The following EDN3 variants were observed in gnomAD, a reference collection of about 807,000 sequenced individuals.
EDN3 encodes endothelin 3, also known as endothelin-3.
EDN3 carries 9 observed loss-of-function variants against 21.4 expected under a neutral mutation model. The observed-to-expected ratio is 0.42, with a 90% CI of 0.25 to 0.73. The LOEUF (loss-of-function observed/expected upper bound fraction) is 0.73, where lower values mean the gene tolerates loss of function less well. EDN3 is among the 30% of genes least tolerant of loss of function. The probability of loss-of-function intolerance (pLI) is 0.26; values close to 1 mark genes in which losing one functional copy is unlikely to be tolerated. For missense variants in EDN3, 327 were observed against 309.4 expected, an observed-to-expected ratio of 1.06 and a Z score of -0.43; for synonymous variants, 133 against 126.2, an observed-to-expected ratio of 1.05 and a Z score of -0.36.
chr20:59,315,695 G>A (rs1990128941), intron 2 of EDN3, among the ~76,000 whole-genome samples: 1 of 152,140 alleles, frequency 6.6e-6, no homozygotes, highest in South Asian at 2.1e-4. Context: ...ATGCTCCTGA[G>A]GGCCAGACAC....
At chr20:59,323,551 CAT>C (rs1990672554) in intron 4 of EDN3, 1 of 398,856 alleles carries the variant, frequency 2.5e-6, no homozygotes, top group Non-Finnish European at 4.4e-6. Flanking sequence ...AGACAGCAAA[CAT>C]GTACAATTTA....
At chr20:59,313,751 C>T (rs1274909339) in intron 2 of EDN3, among the ~76,000 whole-genome samples, 3 of 152,026 alleles carry the variant, frequency 2.0e-5, no homozygotes, top group Non-Finnish European at 4.4e-5. Context: ...TATGAATTGC[C>T]GGTTCACTGT....
intron 2 of EDN3, among the ~76,000 whole-genome samples, chr20:59,308,465 C>T (rs976523189): frequency 5.3e-5 from 8 of 152,174 alleles, no homozygotes; most frequent in African/African-American, 1.7e-4. Flanking sequence ...CAAATTGTCA[C>T]GTGGAGGAGG....
intron 2 of EDN3, among the ~76,000 whole-genome samples, chr20:59,320,365 A>G (rs1193966324): frequency 1.3e-5 from 2 of 152,276 alleles, no homozygotes; most frequent in East Asian, 3.8e-4. Flanking sequence ...AAATTCAGTC[A>G]GAAACCTCAG....
chr20:59,302,537 T>C (rs1989120505), intron 2 of EDN3, among the ~76,000 whole-genome samples: 1 of 152,066 alleles, frequency 6.6e-6, no homozygotes, highest in Admixed American at 6.5e-5. Flanking sequence ...AGGGAACCCC[T>C]CCTGCAGGCA....
chr20:59,300,817 A>C lies in EDN3; in HGVS notation c.5A>C (p.Glu2Ala). M[E>A]PGLWLLFGLT... ...TCCGGCGCCTGATCTAGGTTCATGG[A>C]GCCGGGGCTGTGGCTCCTTTTCGGG... The change falls in exon 1 of 5, where the codon GAG (glutamate) becomes GCG (alanine). Residue 2 changes from glutamate to alanine, a missense_variant. Transcript: ENST00000337938. 6.2e-7 allele frequency: 1 copy of C among 1,610,890 alleles called. No homozygotes were observed. The highest frequency in any genetic ancestry group is 8.5e-7 in the Non-Finnish European group (1 of 1,179,452).
intron 2 of EDN3, among the ~76,000 whole-genome samples, chr20:59,307,130 C>T (rs11570281): frequency 1.3e-5 from 2 of 151,982 alleles, no homozygotes; most frequent in African/African-American, 4.8e-5. Context: ...GGGTGACAGA[C>T]CAAGATTCCA....
At chr20:59,315,592 A>G (rs1990122213) in intron 2 of EDN3, among the ~76,000 whole-genome samples, 1 of 152,206 alleles carries the variant, frequency 6.6e-6, no homozygotes, top group Non-Finnish European at 1.5e-5. Flanking sequence ...AAAGAGGAAA[A>G]TAGTATCAGG....
chr20:59,313,429 G>A (rs1415315252), intron 2 of EDN3, among the ~76,000 whole-genome samples: 3 of 152,144 alleles, frequency 2.0e-5, no homozygotes. Flanking sequence ...TGATTGGTAG[G>A]GGATAATGCT....
chr20:59,316,504 G>A (rs985898091), intron 2 of EDN3, among the ~76,000 whole-genome samples: 1 of 152,192 alleles, frequency 6.6e-6, no homozygotes, highest in African/African-American at 2.4e-5. Context: ...TTAAACTTCA[G>A]ATATACAGGC....
At chr20:59,313,621 G>A (rs1341146474) in intron 2 of EDN3, among the ~76,000 whole-genome samples, 1 of 152,170 alleles carries the variant, frequency 6.6e-6, no homozygotes, top group African/African-American at 2.4e-5. Context: ...CTAGAATCAT[G>A]GGCTCTTTCT....
Position 59,300,876 on chromosome 20 carries a change from G to A in EDN3, c.52+12G>A. 2 of 1,609,974 alleles carry A rather than the reference G, an allele frequency of 1.2e-6. No individual in the cohort carries two copies. The highest frequency in any genetic ancestry group is 1.7e-6 in the Non-Finnish European group (2 of 1,179,362). On this transcript the variant is annotated intron_variant, in intron 1 of 4. Transcript: ENST00000337938. The stretch of plus-strand genomic sequence containing the variant: ...GACCTCCGCCGCAGGTAAGCGCACG[G>A]GGCGGCGCGCCTCTCCTGGCGCGAG...
At chr20:59,315,924 C>T (rs144159644) in intron 2 of EDN3, among the ~76,000 whole-genome samples, 54 of 152,282 alleles carry the variant, frequency 3.5e-4, no homozygotes, top group East Asian at 2.7e-3. Flanking sequence ...CTATGGTTCA[C>T]GCCTGTAATC....
chr20:59,306,111 G>A (rs745660799), intron 2 of EDN3, among the ~76,000 whole-genome samples: 1 of 152,190 alleles, frequency 6.6e-6, no homozygotes, highest in Non-Finnish European at 1.5e-5. Context: ...TGAGCTGAGG[G>A]ATCCTGCCAT....
chr20:59,308,300 GT>G (rs1472476855), intron 2 of EDN3, among the ~76,000 whole-genome samples: 2 of 152,228 alleles, frequency 1.3e-5, no homozygotes, highest in African/African-American at 4.8e-5. Flanking sequence ...TCTGTGCCTT[GT>G]TCTGTCTTCT....
chr20:59,304,468 C>T (rs558223605), intron 2 of EDN3, among the ~76,000 whole-genome samples: 35 of 152,342 alleles, frequency 2.3e-4, no homozygotes, highest in African/African-American at 7.5e-4. Context: ...GTTCTGGGCA[C>T]GAGAAGGAGC....
intron 2 of EDN3, among the ~76,000 whole-genome samples, chr20:59,312,529 G>C (rs1989900620): frequency 6.6e-6 from 1 of 152,196 alleles, no homozygotes; most frequent in Non-Finnish European, 1.5e-5. Context: ...GGTCCAATGA[G>C]CTGATGAGAT....
Position 59,301,740 on chromosome 20 carries a change from G to T in EDN3, c.365+18G>T. 1 of 1,613,852 alleles carries T rather than the reference G, an allele frequency of 6.2e-7. No homozygotes were observed. Among genetic ancestry groups the T allele is most frequent in the Non-Finnish European group, 8.5e-7 (1 of 1,179,730 alleles). ...ACTCCCGAGTAAGTCAGCCTTTTGT[G>T]GTGAGGAACGTGGCTCCCGGACCAG... is the stretch of plus-strand genomic sequence containing the variant. On this transcript the variant is annotated intron_variant, in intron 2 of 4. Coordinates refer to ENST00000337938, the MANE Select transcript of EDN3 (RefSeq NM_207034.3).
In EDN3 at chr20:59,324,555, G is replaced by T. The variant is rs886056875; in HGVS notation, c.*96G>T. Reference sequence around the variant, plus strand: ...CTCTTTATAGACAAGAAGTGAATTTGCCTGGGGCAGAACACCCACCCAAAG... The same window carrying T: ...CTCTTTATAGACAAGAAGTGAATTTTCCTGGGGCAGAACACCCACCCAAAG... On this transcript the variant is annotated 3_prime_UTR_variant, in exon 5 of 5. Coordinates refer to ENST00000337938, the MANE Select transcript of EDN3 (RefSeq NM_207034.3). 1.3e-6 allele frequency: 2 copies of T among 1,575,464 alleles called. No individual in the cohort carries two copies. Among genetic ancestry groups the T allele is most frequent in the African/African-American group, 1.4e-5 (1 of 73,912 alleles).
Sources: allele counts gnomAD v4.1 joint callset (sites outside exome capture counted in the v4.1 genomes callset), GRCh38; gene constraint gnomAD v4.1.1; transcripts MANE v1.5; gene names NCBI Gene and HGNC (gene_info 2026-07-23, HGNC 2026-07-21).